Variants in SLCO1B3 observed in about 807,000 individuals in gnomAD.
SLCO1B3 encodes solute carrier organic anion transporter family member 1B3.
SLCO1B3 carries 72 observed loss-of-function variants against 71.8 expected under a neutral mutation model. The observed-to-expected ratio is 1.00, with a 90% CI of 0.83 to 1.22. SLCO1B3 has a LOEUF of 1.22. SLCO1B3 is among the 50% of genes most tolerant of loss of function. The pLI, the probability that SLCO1B3 is intolerant of heterozygous loss-of-function variation, is 0.00. For synonymous variants in SLCO1B3, 298 were observed against 278.4 expected (o/e 1.07, Z -0.70); for missense variants, 911 against 819.7 (o/e 1.11, Z -1.36).
intron 13 of SLCO1B3, among the ~76,000 whole-genome samples, chr12:20,893,156 T>C (rs562255595): frequency 6.6e-6 from 1 of 152,238 alleles, no homozygotes; most frequent in Non-Finnish European, 1.5e-5. Context: ...GAGGTAGTTA[T>C]GAGGACTGGG....
chr12:20,821,970 A>T (rs11513396), intron 3 of SLCO1B3, among the ~76,000 whole-genome samples: 80,685 of 152,026 alleles, frequency 0.53, 22,041 homozygotes, highest in East Asian at 0.74. Flanking sequence ...TGGTGTCAAG[A>T]TTGAAAGGAG....
At chr12:20,896,640 A>G (rs1866011895) in intron 13 of SLCO1B3, among the ~76,000 whole-genome samples, 1 of 151,904 alleles carries the variant, frequency 6.6e-6, no homozygotes, top group Admixed American at 6.6e-5. Context: ...ACTTTCCCAT[A>G]TTTTCTTGTT....
chr12:20,823,751 T>C (rs1015181561), intron 3 of SLCO1B3, among the ~76,000 whole-genome samples: 1 of 152,178 alleles, frequency 6.6e-6, no homozygotes, highest in African/African-American at 2.4e-5. Flanking sequence ...CATATGTGAA[T>C]TGGGTGAATT....
At chr12:20,902,006 A>G (rs1236294871) in intron 15 of SLCO1B3, 7 of 358,088 alleles carry the variant, frequency 2.0e-5, no homozygotes, top group Non-Finnish European at 3.7e-5. Flanking sequence ...TTTGTAATTT[A>G]TATATTGATC....
chr12:20,909,165 C>CT (rs1006708034), intron 15 of SLCO1B3, among the ~76,000 whole-genome samples: 8,547 of 123,886 alleles, frequency 0.069, 393 homozygotes, highest in African/African-American at 0.095. Context: ...GCATCTTTTT[C>CT]TTTTTTTTTT....
At chr12:20,824,754 A>G (rs530538682) in intron 3 of SLCO1B3, among the ~76,000 whole-genome samples, 1 of 152,332 alleles carries the variant, frequency 6.6e-6, no homozygotes, top group Admixed American at 6.5e-5. Context: ...TGACTTTACT[A>G]TACCAAATAA....
Position 20,875,156 on chromosome 12 carries a change from C to A in SLCO1B3, c.728-79C>A, listed in dbSNP as rs184889914. On this transcript the variant is annotated intron_variant, in intron 8 of 15. Transcript: ENST00000381545. ...TACTTTCTTCATCTATGGAGGACTG[C>A]AATCATTATCATTATTTCCCAGAAC... 1.1e-5 allele frequency: 16 copies of A among 1,494,006 alleles called. No homozygotes were observed. The Admixed American group carries it at 2.1e-4, about 20-fold the overall frequency. 92.5% of individuals were successfully genotyped at this position (1,494,006 alleles called of 1,614,324 possible).
chr12:20,849,184 A>C (rs1293227428), intron 3 of SLCO1B3, among the ~76,000 whole-genome samples: 2 of 152,010 alleles, frequency 1.3e-5, no homozygotes, highest in East Asian at 3.8e-4. Flanking sequence ...AATACTAGCC[A>C]ATTAATTCCA....
intron 8 of SLCO1B3, among the ~76,000 whole-genome samples, chr12:20,872,822 G>GA (rs978001299): frequency 2.6e-5 from 4 of 151,960 alleles, no homozygotes; most frequent in Non-Finnish European, 4.4e-5. Flanking sequence ...CTATGCCTTA[G>GA]AAAAAAAGAA....
intron 6 of SLCO1B3, 95 bp downstream of exon 6, chr12:20,861,233 GAACA>G: frequency 9.3e-7 from 1 of 1,078,538 alleles, no homozygotes; most frequent in Non-Finnish European, 1.3e-6. Context: ...ATTGATTTAA[GAACA>G]AATAGGAAGA....
intron 3 of SLCO1B3, among the ~76,000 whole-genome samples, chr12:20,818,676 G>T (rs1054326380): frequency 3.3e-5 from 5 of 152,240 alleles, no homozygotes; most frequent in African/African-American, 1.2e-4. Context: ...GGAAATGAAA[G>T]GTTCTAAGAG....
intron 3 of SLCO1B3, among the ~76,000 whole-genome samples, chr12:20,841,842 T>C (rs1864810482): frequency 6.6e-6 from 1 of 151,890 alleles, no homozygotes; most frequent in South Asian, 2.1e-4. Context: ...TTCTCCCTCA[T>C]GTACTTGAGA....
chr12:20,884,365 G>T (rs1217510547), intron 13 of SLCO1B3, among the ~76,000 whole-genome samples: 1 of 152,156 alleles, frequency 6.6e-6, no homozygotes, highest in Non-Finnish European at 1.5e-5. Flanking sequence ...AAGGGGATGT[G>T]AGGGGAAAGA....
chr12:20,815,758 T>G lies in SLCO1B3; in HGVS notation c.20T>G (p.Leu7Trp). ...TTAATAATGGACCAACATCAACATT[T>G]GAATAAAACAGCAGAGTCAGCATCT... MDQHQH[L>W]NKTAESASSE... Residue 7 changes from leucine (L) to tryptophan (W), a missense_variant, in exon 3 of 16, where the codon TTG becomes TGG. By Grantham distance (61) the Leu-to-Trp change is moderately conservative. Coordinates refer to ENST00000381545, the MANE Select transcript of SLCO1B3 (RefSeq NM_019844.4). The G allele has an allele frequency of 1.3e-6, 2 of 1,594,482 alleles. No individual in the cohort carries two copies. Among genetic ancestry groups the G allele is most frequent in the South Asian group, 1.1e-5 (1 of 87,998 alleles).
intron 15 of SLCO1B3, among the ~76,000 whole-genome samples, chr12:20,907,013 G>A (rs1476006919): frequency 6.6e-6 from 1 of 151,758 alleles, no homozygotes; most frequent in Admixed American, 6.6e-5. Context: ...AATATTCTGA[G>A]TTCTTAAAAA....
chr12:20,851,532 T>A (rs1333449827), intron 3 of SLCO1B3, among the ~76,000 whole-genome samples: 1 of 152,194 alleles, frequency 6.6e-6, no homozygotes, highest in Admixed American at 6.5e-5. Context: ...TTTGTTGTTG[T>A]TAAGTTGCAG....
rs1864180860 is a variant in SLCO1B3, at chr12:20,815,743, A to G, written c.5A>G (p.Asp2Gly). ...CTTGGTATCTGTAGTTTAATAATGG[A>G]CCAACATCAACATTTGAATAAAACA... M[D>G]QHQHLNKTAE... The change falls in exon 3 of 16, where the codon GAC becomes GGC. Residue 2 changes from aspartate to glycine, a missense_variant. By Grantham distance (94) the Asp-to-Gly change is moderately conservative (BLOSUM62 -1). Transcript: ENST00000381545. 3 of 1,582,084 alleles carry G rather than the reference A, an allele frequency of 1.9e-6. No individual in the cohort carries two copies. Among genetic ancestry groups the G allele is most frequent in the East Asian group, 2.3e-5 (1 of 44,356 alleles).
intron 13 of SLCO1B3, among the ~76,000 whole-genome samples, chr12:20,889,935 G>C (rs1292902179): frequency 7.0e-6 from 1 of 143,758 alleles, no homozygotes; most frequent in East Asian, 2.0e-4. Flanking sequence ...TTTTGTTTTT[G>C]GGGACAGAAT....
chr12:20,823,018 A>G (rs997348212), intron 3 of SLCO1B3, among the ~76,000 whole-genome samples: 2 of 152,068 alleles, frequency 1.3e-5, no homozygotes, highest in South Asian at 2.1e-4. Context: ...AATAGATCCC[A>G]CGTTATTAGG....
Sources: gnomAD v4.1 joint callset for allele counts (sites outside exome capture counted in the v4.1 genomes callset) on GRCh38, gnomAD v4.1.1 for gene constraint, MANE v1.5 for transcripts, NCBI Gene and HGNC (gene_info 2026-07-23, HGNC 2026-07-21) for gene names.